The following STX5 variants were observed in gnomAD, a reference collection of about 807,000 sequenced individuals.
STX5 encodes the protein syntaxin-5.
In STX5, 15 loss-of-function variants were observed where a neutral mutation model predicts 42.9. The observed-to-expected ratio is 0.35, with a 90% confidence interval of 0.23 to 0.54. STX5 has a LOEUF of 0.54. STX5 is among the 20% of genes least tolerant of loss of function. The pLI is 0.91. For missense variants in STX5, 430 were observed against 455.0 expected (o/e 0.95, Z 0.50); for synonymous variants, 184 against 173.2 (o/e 1.06, Z -0.49).
At chr11:62,820,088 C>T (rs559899865) in intron 10 of STX5, among the ~76,000 whole-genome samples, 13 of 151,014 alleles carry the variant, frequency 8.6e-5, no homozygotes, top group South Asian at 8.5e-4. Flanking sequence ...TGGGCAGAAT[C>T]GGCCGGGTGC....
At chr11:62,831,641 G>C (rs2084867156) in intron 1 of STX5, among the ~76,000 whole-genome samples, 1 of 152,096 alleles carries the variant, frequency 6.6e-6, no homozygotes, top group African/African-American at 2.4e-5. Context: ...GGCCAGTGAC[G>C]GACCTCCAAA....
intron 8 of STX5, 104 bp from the exon 9 acceptor site, chr11:62,824,669 G>A (rs1235786202): frequency 2.8e-6 from 3 of 1,075,172 alleles, no homozygotes; most frequent in Non-Finnish European, 2.8e-6. Context: ...CTAGCCTTGT[G>A]ACCCTGGACA....
intron 5 of STX5, among the ~76,000 whole-genome samples, chr11:62,826,561 AAAT>A (rs1163719092): frequency 6.6e-6 from 1 of 151,308 alleles, no homozygotes; most frequent in African/African-American, 2.4e-5. Flanking sequence ...CTGTCTCAAA[AAAT>A]AATAATAAAT....
At chr11:62,814,225 G>A (rs961345413) in intron 10 of STX5, among the ~76,000 whole-genome samples, 8 of 152,164 alleles carry the variant, frequency 5.3e-5, no homozygotes. Context: ...AAGTGCAATG[G>A]CACAACCTTG....
In STX5 at chr11:62,807,739, A is replaced by G. The variant is rs1449028777; in HGVS notation, c.909-111T>C. On this transcript the variant is annotated intron_variant, in intron 10 of 10. Transcript: ENST00000294179. ...ATGGTCACAATATGATCCCATTCTT[A>G]TATATATTTGTGTATAGAAAAGGCT... is the stretch of plus-strand genomic sequence containing the variant. The G allele has an allele frequency of 4.0e-6, 6 of 1,507,576 alleles. No homozygotes were observed. In the African/African-American group the frequency reaches 8.4e-5, roughly 21 times the overall value. The allele number at this position is 1,507,576 out of a possible 1,614,324, so 93.4% of individuals were successfully genotyped here.
At chr11:62,813,093 CA>C (rs371506460) in intron 10 of STX5, among the ~76,000 whole-genome samples, 3,123 of 64,386 alleles carry the variant, frequency 0.049, 19 homozygotes, top group Non-Finnish European at 0.062. Context: ...GACTCCGTCT[CA>C]AAAAAAAAAA....
At chr11:62,818,095 A>G (rs185655250) in intron 10 of STX5, among the ~76,000 whole-genome samples, 12 of 152,088 alleles carry the variant, frequency 7.9e-5, no homozygotes, top group Admixed American at 5.9e-4. Context: ...AATACAAAAA[A>G]TTAGCCAGGC....
rs144511852 is a variant in STX5 at position 62,807,625 on chromosome 11, G to T, written c.912C>A (p.Ile304=). 1.2e-6 allele frequency: 2 copies of T among 1,614,014 alleles called. No homozygotes were observed. Among genetic ancestry groups the T allele is most frequent in the Non-Finnish European group, 1.7e-6 (2 of 1,179,980 alleles). The change falls in exon 11 of 11, where the codon ATC becomes ATA. Residue 304 remains isoleucine (I), a synonymous_variant. Transcript: ENST00000294179. ...GCTGGGCTCCTAGCACGTTCTCGTC[G>T]ATCCTGGGGACAAGGCCGGGAGAAG... ...VKEQEETIQR[I]DENVLGAQLD...
In STX5 at chr11:62,827,400, T is replaced by C. The variant is rs2084808137; in HGVS notation, c.297-2A>G. Reference sequence around the variant, plus strand: ...TTGCTAAGGTCTTTCCCAATGCGCCTGCAAATGACCACTAGTCAGACTGTG... The same window carrying C: ...TTGCTAAGGTCTTTCCCAATGCGCCCGCAAATGACCACTAGTCAGACTGTG... On this transcript the variant is annotated splice_acceptor_variant, in intron 3 of 10. Coordinates refer to ENST00000294179, the MANE Select transcript of STX5 (RefSeq NM_003164.5). LOFTEE classifies it high-confidence loss of function. The C allele has an allele frequency of 6.2e-7, 1 of 1,614,178 alleles. No individual in the cohort carries two copies.
In STX5 at chr11:62,831,100, G is replaced by A. The variant is rs1181078219; in HGVS notation, c.144C>T (p.Val48=). Residue 48 remains valine, a synonymous_variant, in exon 2 of 11, where the codon GTC becomes GTT. Transcript: ENST00000294179. ...AGGACATGGTGTCGGGAGGGGGAGG[G>A]ACGAGGGTCACTGGGGGGGGCAGAG... ...IAPLPPPVTL[V]PPPPDTMSCR... 6.4e-7 allele frequency: 1 copy of A among 1,554,164 alleles called. No individual in the cohort carries two copies. Among genetic ancestry groups the A allele is most frequent in the South Asian group, 1.2e-5 (1 of 84,418 alleles).
At chr11:62,824,385 C>T (rs1443376411) in intron 9 of STX5, 74 bp downstream of exon 9, 18 of 1,611,706 alleles carry the variant, frequency 1.1e-5, no homozygotes, top group Non-Finnish European at 1.4e-5. Context: ...GCCCATGGCA[C>T]ACTCCAAACA....
In STX5 at chr11:62,807,556, C is replaced by T. The variant is rs753664298; in HGVS notation, c.981G>A (p.Gln327=). Residue 327 remains glutamine (Q), a synonymous_variant, in exon 11 of 11, where the codon CAG becomes CAA. Coordinates refer to ENST00000294179, the MANE Select transcript of STX5 (RefSeq NM_003164.5). ...AAHSEILKYF[Q]SVTSNRWLMV... is the part of the protein sequence containing the mutation. ...TGAGCCACCGGTTGGAGGTGACAGA[C>T]TGGAAGTACTTGAGGATCTCTGAAT... The T allele has an allele frequency of 6.2e-7, 1 of 1,614,164 alleles. No homozygotes were observed.
chr11:62,825,043 G>T lies in STX5; in HGVS notation c.672C>A (p.Asn224Lys). The T allele has an allele frequency of 1.9e-6, 3 of 1,613,936 alleles. No homozygotes were observed. Among genetic ancestry groups the T allele is most frequent in the Non-Finnish European group, 2.5e-6 (3 of 1,180,024 alleles). Reference protein sequence around the residue: ...APVSALPLAPNHLGGGAVVLG... With the variant: ...APVSALPLAPKHLGGGAVVLG... ...GTTTTACCTGTGACTTACCCAGGTGGTTAGGGGCAAGGGGCAGGGCTGACA... is the reference window on the plus strand; with the variant it reads ...GTTTTACCTGTGACTTACCCAGGTGTTTAGGGGCAAGGGGCAGGGCTGACA... The change falls in exon 8 of 11, where the codon AAC (asparagine) becomes AAA (lysine). Residue 224 changes from asparagine to lysine, a missense_variant. Coordinates refer to ENST00000294179, the MANE Select transcript of STX5 (RefSeq NM_003164.5).
chr11:62,823,180 C>T (rs1181844687), intron 10 of STX5, among the ~76,000 whole-genome samples: 1 of 146,346 alleles, frequency 6.8e-6, no homozygotes, highest in Non-Finnish European at 1.5e-5. Flanking sequence ...TAGTCACTTT[C>T]TTTTTTTTTT....
intron 8 of STX5, 81 bp from the exon 9 acceptor site, chr11:62,824,646 G>C (rs2084775281): frequency 1.5e-6 from 2 of 1,337,162 alleles, no homozygotes; most frequent in Admixed American, 1.9e-5. Context: ...TTGAATCCCA[G>C]CTCTAGCACT....
At position 62,824,489 on chromosome 11, in the gene STX5, G is replaced by A. The variant is rs142266392; in HGVS notation, c.756C>T (p.Thr252=). ...DVAIDMMDSR[T]SQQLQLIDEQ... ...CGTCAATGAGCTGCAGCTGCTGGCT[G>A]GTCCGAGAGTCCATCATGTCGATGG... The change falls in exon 9 of 11, where the codon ACC becomes ACT. Residue 252 remains threonine, a synonymous_variant. Coordinates refer to ENST00000294179, the MANE Select transcript of STX5 (RefSeq NM_003164.5). The A allele has an allele frequency of 6.2e-7, 1 of 1,614,176 alleles. No homozygotes were observed. The highest frequency in any genetic ancestry group is 8.5e-7 in the Non-Finnish European group (1 of 1,180,032).
Position 62,825,351 on chromosome 11 carries a change from GGA to G in STX5, c.541-14_541-13del, listed in dbSNP as rs766433425. 1.1e-4 allele frequency: 179 copies of G among 1,614,166 alleles called. 1 individual carries two copies. The highest frequency in any genetic ancestry group is 1.4e-5 in the Non-Finnish European group (17 of 1,180,034). On this transcript the variant is annotated splice_polypyrimidine_tract_variant and intron_variant, in intron 6 of 10. Transcript: ENST00000294179. ...GAAGCCAGTTTCGACTAGAAGAAAAGGAGAGAGGGTCAACCAAAGAAGGCTCC... is the reference window on the plus strand; with the variant it reads ...GAAGCCAGTTTCGACTAGAAGAAAAGGAGAGGGTCAACCAAAGAAGGCTCC...
At chr11:62,808,437 A>G (rs866590550) in intron 10 of STX5, among the ~76,000 whole-genome samples, 2,266 of 150,514 alleles carry the variant, frequency 0.015, 56 homozygotes, top group African/African-American at 0.05. Context: ...CAGGGGGAAA[A>G]AAAAAAAAAA....
intron 2 of STX5, among the ~76,000 whole-genome samples, chr11:62,829,349 G>A (rs566965549): frequency 2.6e-5 from 4 of 151,766 alleles, no homozygotes; most frequent in Admixed American, 6.6e-5. Context: ...ACTGGAACCC[G>A]GGAGGCGGAG....
Sources: allele counts gnomAD v4.1 joint callset (sites outside exome capture counted in the v4.1 genomes callset), GRCh38; gene constraint gnomAD v4.1.1; transcripts MANE v1.5; gene names NCBI Gene and HGNC (gene_info 2026-07-23, HGNC 2026-07-21).